The following LAPTM4B variants were observed in gnomAD, a reference collection of about 807,000 sequenced individuals.
LAPTM4B encodes the protein lysosomal protein transmembrane 4 beta.
LAPTM4B carries 26 observed loss-of-function variants against 28.5 expected under a neutral mutation model. The observed-to-expected ratio is 0.91, with a 90% confidence interval of 0.67 to 1.27. LAPTM4B has a LOEUF of 1.27. LAPTM4B is among the 50% of genes most tolerant of loss of function. The probability of loss-of-function intolerance (pLI) is 0.00; values close to 1 mark genes in which losing one functional copy is unlikely to be tolerated. For synonymous variants in LAPTM4B, 109 were observed against 106.4 expected (o/e 1.02, Z -0.15); for missense variants, 288 against 285.8 (o/e 1.01, Z -0.06).
At position 97,851,608 on chromosome 8, in the gene LAPTM4B, T is replaced by A; in HGVS notation, c.*134T>A. On this transcript the variant is annotated 3_prime_UTR_variant, in exon 7 of 7. Coordinates refer to ENST00000521545, the MANE Select transcript of LAPTM4B (RefSeq NM_018407.6). The stretch of plus-strand genomic sequence containing the variant: ...GAAATGCTACTTTTTAAAATTTAGA[T>A]GTTAGATTGAAAACTGTAGTTTTCA... The A allele has an allele frequency of 1.5e-6, 1 of 687,114 alleles. No individual in the cohort carries two copies. Among genetic ancestry groups the A allele is most frequent in the Non-Finnish European group, 2.6e-6 (1 of 391,788 alleles). The allele number at this position is 687,114 out of a possible 1,614,324, so 42.6% of individuals were successfully genotyped here. A position where few individuals can be genotyped will look rare whatever the true frequency, so the allele number is the denominator to read the frequency against.
intron 6 of LAPTM4B, among the ~76,000 whole-genome samples, chr8:97,840,622 T>TGTCA (rs142257241): frequency 0.079 from 12,062 of 152,248 alleles, 1,417 homozygotes; most frequent in African/African-American, 0.26. Flanking sequence ...TGTGAGGTAC[T>TGTCA]GTTACAAGGC....
At chr8:97,806,722 C>T (rs1187177163) in intron 2 of LAPTM4B, among the ~76,000 whole-genome samples, 4 of 152,070 alleles carry the variant, frequency 2.6e-5, no homozygotes, top group East Asian at 1.9e-4. Context: ...AGATTGAGGC[C>T]GAGGCTGGCA....
intron 5 of LAPTM4B, 43 bp downstream of exon 5, chr8:97,819,281 T>A: frequency 1.7e-6 from 2 of 1,163,704 alleles, no homozygotes; most frequent in Non-Finnish European, 2.5e-6. Context: ...ATATTAAGTG[T>A]ATTCCTGAAT....
intron 6 of LAPTM4B, among the ~76,000 whole-genome samples, chr8:97,846,452 C>T (rs534062551): frequency 1.3e-5 from 2 of 151,952 alleles, no homozygotes; most frequent in East Asian, 3.9e-4. Flanking sequence ...GTCAGCCTCC[C>T]GAGTAGCTGG....
chr8:97,796,658 G>A (rs968926852), intron 1 of LAPTM4B, among the ~76,000 whole-genome samples: 6 of 152,156 alleles, frequency 3.9e-5, no homozygotes, highest in African/African-American at 1.4e-4. Context: ...GTCCGGGCAC[G>A]TCCGGGCGCA....
At chr8:97,827,620 A>T (rs2512050) in intron 6 of LAPTM4B, among the ~76,000 whole-genome samples, 1 of 152,086 alleles carries the variant, frequency 6.6e-6, no homozygotes, top group Admixed American at 6.5e-5. Context: ...ACTTTTGGGG[A>T]TTGAGCCCTT....
rs146725523 is a variant in LAPTM4B at position 97,835,691 on chromosome 8, G to A, written c.603+10538G>A. ...TTTTGAGTCTGCAGCTCCCTTGGGCGGGCCTGCTGGTGGTGCCTTGGAGCC... is the reference window on the plus strand; with the variant it reads ...TTTTGAGTCTGCAGCTCCCTTGGGCAGGCCTGCTGGTGGTGCCTTGGAGCC... On this transcript the variant is annotated intron_variant, in intron 6 of 6. Transcript: ENST00000521545. Among the ~76,000 whole-genome samples the A allele has an allele frequency of 8.0e-3, 1,214 of 152,278 alleles. 14 individuals carry two copies. Among genetic ancestry groups the A allele is most frequent in the African/African-American group, 0.027 (1,125 of 41,550 alleles).
At chr8:97,812,003 G>C (rs1361127534) in intron 2 of LAPTM4B, among the ~76,000 whole-genome samples, 2 of 151,696 alleles carry the variant, frequency 1.3e-5, no homozygotes, top group South Asian at 2.1e-4. Context: ...ACGGGGTTTT[G>C]CCATGTTTCC....
chr8:97,813,629 G>T (rs1445077366), intron 2 of LAPTM4B, among the ~76,000 whole-genome samples: 1 of 152,260 alleles, frequency 6.6e-6, no homozygotes, highest in East Asian at 1.9e-4. Flanking sequence ...TGGCTAAGAA[G>T]GAGTTAGATC....
intron 2 of LAPTM4B, among the ~76,000 whole-genome samples, chr8:97,813,127 C>A (rs895904346): frequency 6.6e-6 from 1 of 152,198 alleles, no homozygotes; most frequent in Non-Finnish European, 1.5e-5. Context: ...AAGGTAAAGT[C>A]CCATGATAGG....
chr8:97,809,141 G>A (rs1230987715), intron 2 of LAPTM4B, among the ~76,000 whole-genome samples: 1 of 152,122 alleles, frequency 6.6e-6, no homozygotes, highest in Admixed American at 6.5e-5. Flanking sequence ...AGCCTATCAT[G>A]TCAGATAGTT....
chr8:97,780,050 C>CAAAA (rs57555167), intron 1 of LAPTM4B, among the ~76,000 whole-genome samples: 4 of 91,890 alleles, frequency 4.4e-5, no homozygotes, highest in Admixed American at 1.2e-4. Flanking sequence ...GACTCTGTCT[C>CAAAA]AAAAAAAAAA....
chr8:97,816,008 T>G (rs1816906229), intron 3 of LAPTM4B, 50 bp from the exon 4 acceptor site: 8 of 1,470,128 alleles, frequency 5.4e-6, no homozygotes, highest in Admixed American at 2.4e-5. Context: ...AAGAAAAATA[T>G]TGTTTTATAA....
At chr8:97,825,684 A>G (rs1437048682) in intron 6 of LAPTM4B, among the ~76,000 whole-genome samples, 3 of 152,240 alleles carry the variant, frequency 2.0e-5, no homozygotes, top group African/African-American at 7.2e-5. Flanking sequence ...AACCTGTCAT[A>G]AAAGATTTTT....
At chr8:97,819,268 A>AAATATTAAGTGTCT (rs771295167) in intron 5 of LAPTM4B, 30 bp downstream of exon 5, 16 of 1,355,306 alleles carry the variant, frequency 1.2e-5, no homozygotes, top group Non-Finnish European at 5.2e-6. Flanking sequence ...TTATAGTCTA[A>AAATATTAAGTGTCT]AAATATTAAG....
intron 1 of LAPTM4B, among the ~76,000 whole-genome samples, chr8:97,787,287 C>CT (rs777122592): frequency 0.01 from 1,309 of 129,498 alleles, 21 homozygotes; most frequent in East Asian, 0.013. Flanking sequence ...ATGTTTCTTT[C>CT]TTTTTTTTTT....
intron 5 of LAPTM4B, among the ~76,000 whole-genome samples, chr8:97,824,800 C>T (rs1221110519): frequency 1.3e-5 from 2 of 152,020 alleles, no homozygotes; most frequent in African/African-American, 4.8e-5. Flanking sequence ...TCATCCCTCC[C>T]CTCTCCCAAC....
intron 6 of LAPTM4B, among the ~76,000 whole-genome samples, chr8:97,850,673 A>G (rs1213677191): frequency 6.7e-6 from 1 of 149,770 alleles, no homozygotes; most frequent in Non-Finnish European, 1.5e-5. Context: ...CTTTCCACAA[A>G]TCACTTGAGG....
chr8:97,805,097 G>T (rs550712770), intron 1 of LAPTM4B, among the ~76,000 whole-genome samples: 1 of 152,304 alleles, frequency 6.6e-6, no homozygotes, highest in African/African-American at 2.4e-5. Context: ...GGGCCAGGGG[G>T]AATGAGGTAA....
Sources: gnomAD v4.1 joint callset for allele counts (sites outside exome capture counted in the v4.1 genomes callset) on GRCh38, gnomAD v4.1.1 for gene constraint, MANE v1.5 for transcripts, NCBI Gene and HGNC (gene_info 2026-07-23, HGNC 2026-07-21) for gene names.